APBA2: variants seen among roughly 807,000 people sequenced by gnomAD.
The protein encoded by APBA2 is amyloid beta precursor protein binding family A member 2.
Under a neutral mutation model 75.0 loss-of-function variants are expected in APBA2, and 30 were observed. That is an observed-to-expected ratio of 0.40 (90% CI 0.30 to 0.54). APBA2 has a LOEUF of 0.54. Ranked by LOEUF, APBA2 falls within the 20% of genes least tolerant of loss-of-function variation. The pLI is 0.49. For synonymous variants in APBA2, 444 were observed against 409.6 expected, an observed-to-expected ratio of 1.08 and a Z score of -1.01; for missense variants, 801 against 1,016.1, an observed-to-expected ratio of 0.79 and a Z score of 2.88.
At chr15:28,985,468 G>C (rs1377436049) in intron 2 of APBA2, among the ~76,000 whole-genome samples, 1 of 152,168 alleles carries the variant, frequency 6.6e-6, no homozygotes, top group Non-Finnish European at 1.5e-5. Flanking sequence ...TCAGCTGACT[G>C]TTTTTCAAAA....
intron 4 of APBA2, among the ~76,000 whole-genome samples, chr15:29,055,225 A>G (rs1254555439): frequency 3.9e-5 from 6 of 152,240 alleles, no homozygotes; most frequent in Non-Finnish European, 5.9e-5. Context: ...AGTGGCAAAG[A>G]CGTGGGGGTG....
At chr15:29,069,836 T>C (rs904283452) in intron 4 of APBA2, among the ~76,000 whole-genome samples, 2 of 152,258 alleles carry the variant, frequency 1.3e-5, no homozygotes, top group Non-Finnish European at 2.9e-5. Flanking sequence ...AGCCTCAAAA[T>C]GCAGTGACAA....
At chr15:29,038,939 TG>T (rs1201369454) in intron 3 of APBA2, among the ~76,000 whole-genome samples, 2 of 152,114 alleles carry the variant, frequency 1.3e-5, no homozygotes, top group African/African-American at 4.8e-5. Context: ...CCCAAAGTGC[TG>T]GGATTACAGG....
intron 4 of APBA2, among the ~76,000 whole-genome samples, chr15:29,055,080 C>T (rs964462101): frequency 6.6e-6 from 1 of 152,228 alleles, no homozygotes; most frequent in Admixed American, 6.5e-5. Context: ...CAACTCGTGT[C>T]TCGCAGAAGA....
At chr15:29,020,518 A>G (rs2039897714) in intron 3 of APBA2, among the ~76,000 whole-genome samples, 1 of 152,158 alleles carries the variant, frequency 6.6e-6, no homozygotes, top group African/African-American at 2.4e-5. Context: ...ATTTAAAAAC[A>G]AAACCGGCCG....
At chr15:29,017,900 T>A (rs2039756626) in intron 3 of APBA2, among the ~76,000 whole-genome samples, 1 of 152,220 alleles carries the variant, frequency 6.6e-6, no homozygotes, top group South Asian at 2.1e-4. Context: ...ATTACTTCTG[T>A]TTCCTTCACT....
At chr15:29,101,852 G>T in intron 10 of APBA2, 68 bp downstream of exon 10, 1 of 1,542,392 alleles carries the variant, frequency 6.5e-7, no homozygotes, top group Non-Finnish European at 8.8e-7. Flanking sequence ...CAGGATCCAG[G>T]CGCTGTGGAA....
Position 28,931,893 on chromosome 15 carries a change from A to G in APBA2, c.-95+10144A>G, listed in dbSNP as rs550939836. ...ATTTTGGGAAGTTATATTACAATGC[A>G]CAGACGTTCAAGTGGAGAAAGGTCC... On this transcript the variant is annotated intron_variant, in intron 2 of 14. Coordinates refer to ENST00000683413, the MANE Select transcript of APBA2 (RefSeq NM_001353788.2). 3.9e-5 allele frequency among the ~76,000 whole-genome samples: 6 copies of G among 152,374 alleles called. No individual in the cohort carries two copies. The South Asian group carries it at 1.2e-3, about 32-fold the overall frequency.
intron 2 of APBA2, among the ~76,000 whole-genome samples, chr15:28,949,258 T>C (rs1195207156): frequency 6.6e-6 from 1 of 152,094 alleles, no homozygotes; most frequent in Non-Finnish European, 1.5e-5. Flanking sequence ...TGTGTATTCA[T>C]GTGTGCATCA....
chr15:29,041,296 C>A (rs1354552067), intron 3 of APBA2, among the ~76,000 whole-genome samples: 1 of 151,858 alleles, frequency 6.6e-6, no homozygotes, highest in African/African-American at 2.4e-5. Context: ...TATGGTAAGA[C>A]CTCTTCTCTA....
At chr15:29,111,305 C>T (rs2044717169) in intron 13 of APBA2, among the ~76,000 whole-genome samples, 1 of 152,040 alleles carries the variant, frequency 6.6e-6, no homozygotes, top group African/African-American at 2.4e-5. Flanking sequence ...TGTTGTTCCA[C>T]CCTCTGGCTC....
intron 6 of APBA2, 81 bp from the exon 7 acceptor site, chr15:29,092,994 T>C (rs2043652603): frequency 6.3e-7 from 1 of 1,575,066 alleles, no homozygotes; most frequent in South Asian, 1.1e-5. Context: ...GCCGTGTTCC[T>C]TGTGCTATGG....
At chr15:29,020,618 C>T (rs529482121) in intron 3 of APBA2, among the ~76,000 whole-genome samples, 342 of 151,174 alleles carry the variant, frequency 2.3e-3, no homozygotes, top group Non-Finnish European at 3.8e-3. Flanking sequence ...CCAGCCTGAC[C>T]AACATGGTGA....
chr15:29,043,843 T>C (rs1285189223), intron 3 of APBA2, among the ~76,000 whole-genome samples: 2 of 152,214 alleles, frequency 1.3e-5, no homozygotes, highest in Non-Finnish European at 2.9e-5. Flanking sequence ...AGTATTGTTT[T>C]TGGAAGATTA....
At chr15:29,072,618 A>G (rs1462634691) in intron 4 of APBA2, among the ~76,000 whole-genome samples, 1 of 151,902 alleles carries the variant, frequency 6.6e-6, no homozygotes, top group Non-Finnish European at 1.5e-5. Flanking sequence ...GTCTACTGCA[A>G]CAGAGTCTCG....
At chr15:28,902,932 C>T (rs1259113950) in intron 1 of APBA2, among the ~76,000 whole-genome samples, 2 of 152,108 alleles carry the variant, frequency 1.3e-5, no homozygotes, top group South Asian at 2.1e-4. Context: ...TGTTTTAGTG[C>T]CCCAAGTTTC....
intron 6 of APBA2, among the ~76,000 whole-genome samples, chr15:29,077,424 T>A (rs2042899019): frequency 6.6e-6 from 1 of 152,188 alleles, no homozygotes; most frequent in African/African-American, 2.4e-5. Flanking sequence ...TGTCAGTGTA[T>A]CATAGTGTCA....
At chr15:29,065,058 G>A (rs890894976) in intron 4 of APBA2, among the ~76,000 whole-genome samples, 2 of 152,050 alleles carry the variant, frequency 1.3e-5, no homozygotes, top group Admixed American at 1.3e-4. Flanking sequence ...ATATTGACTT[G>A]CATTGTACTC....
chr15:28,949,817 T>C (rs984514637), intron 2 of APBA2, among the ~76,000 whole-genome samples: 4 of 152,290 alleles, frequency 2.6e-5, no homozygotes, highest in African/African-American at 7.2e-5. Flanking sequence ...TTTAAAGTTA[T>C]AAAAAAGTTG....
Sources: allele counts gnomAD v4.1 joint callset (sites outside exome capture counted in the v4.1 genomes callset), GRCh38; gene constraint gnomAD v4.1.1; transcripts MANE v1.5; gene names NCBI Gene and HGNC (gene_info 2026-07-23, HGNC 2026-07-21).